DSCAML1: variants seen among roughly 807,000 people sequenced by gnomAD.
DSCAML1 encodes cell adhesion molecule DSCAML1.
Under a neutral mutation model 200.5 loss-of-function variants are expected in DSCAML1, and 38 were observed. The ratio of observed to expected loss-of-function variants is 0.19; its 90% CI spans 0.15 to 0.25. DSCAML1 has a LOEUF of 0.25. DSCAML1 is among the 10% of genes least tolerant of loss of function. DSCAML1 has a pLI of 1.00. For synonymous variants in DSCAML1, 1,215 were observed against 1,165.0 expected, an observed-to-expected ratio of 1.04 and a Z score of -0.87; for missense variants, 2,223 against 2,858.8, an observed-to-expected ratio of 0.78 and a Z score of 5.07.
intron 1 of DSCAML1, among the ~76,000 whole-genome samples, chr11:117,816,724 G>A (rs890392200): frequency 4.6e-5 from 7 of 151,784 alleles, no homozygotes; most frequent in African/African-American, 1.5e-4. Flanking sequence ...TAGACGCAGC[G>A]CCAGTGGAGA....
intron 3 of DSCAML1, among the ~76,000 whole-genome samples, chr11:117,578,147 A>T (rs1657932868): frequency 6.9e-6 from 1 of 144,454 alleles, no homozygotes; most frequent in South Asian, 2.4e-4. Flanking sequence ...AGGCAGGAGA[A>T]TTGCCTGAAG....
chr11:117,582,103 AG>A (rs1340359792), intron 3 of DSCAML1, among the ~76,000 whole-genome samples: 1 of 152,230 alleles, frequency 6.6e-6, no homozygotes, highest in East Asian at 1.9e-4. Context: ...GGGGACAAGA[AG>A]GGTATCTGGG....
chr11:117,450,928 A>C (rs2048270865), intron 19 of DSCAML1, among the ~76,000 whole-genome samples: 1 of 152,162 alleles, frequency 6.6e-6, no homozygotes, highest in African/African-American at 2.4e-5. Flanking sequence ...TGCCAGCTTC[A>C]GAACTGTTTG....
rs571323777 is a variant in DSCAML1, at chr11:117,674,135, G to A, written c.511+102656C>T. On this transcript the variant is annotated intron_variant, in intron 3 of 32. Transcript: ENST00000651296. ...AAAGCAACTTACGTTGCCGGTACTA[G>A]TTTAGATCCTCTCGGCTGTATTTAG... 1.5e-3 allele frequency among the ~76,000 whole-genome samples: 227 copies of A among 152,354 alleles called. 1 individual carries two copies. The highest frequency in any genetic ancestry group is 5.2e-3 in the African/African-American group (215 of 41,584).
chr11:117,664,071 G>T (rs923803788), intron 3 of DSCAML1, among the ~76,000 whole-genome samples: 1 of 152,192 alleles, frequency 6.6e-6, no homozygotes, highest in Non-Finnish European at 1.5e-5. Flanking sequence ...AGGAGGGGCC[G>T]GGCCTGGGAA....
chr11:117,745,904 G>C (rs2137853383), intron 3 of DSCAML1, among the ~76,000 whole-genome samples: 1 of 152,256 alleles, frequency 6.6e-6, no homozygotes, highest in East Asian at 1.9e-4. Context: ...AATTAACTTA[G>C]GTAAGGTGCT....
At chr11:117,429,490 G>A (rs769856696) in intron 32 of DSCAML1, among the ~76,000 whole-genome samples, 31 of 120,958 alleles carry the variant, frequency 2.6e-4, no homozygotes, top group Non-Finnish European at 4.9e-4. Flanking sequence ...TGCAACCTCC[G>A]CTTCCCGAGT....
chr11:117,764,959 C>G (rs1447356131), intron 3 of DSCAML1, among the ~76,000 whole-genome samples: 1 of 152,218 alleles, frequency 6.6e-6, no homozygotes, highest in Non-Finnish European at 1.5e-5. Context: ...GCACGGCCGC[C>G]TTCATGGCCA....
At chr11:117,656,146 G>A (rs764129590) in intron 3 of DSCAML1, among the ~76,000 whole-genome samples, 1 of 152,234 alleles carries the variant, frequency 6.6e-6, no homozygotes. Flanking sequence ...GCTGAGGCAG[G>A]AGAATTACTT....
At chr11:117,632,473 AGT>A (rs2052195315) in intron 3 of DSCAML1, among the ~76,000 whole-genome samples, 1 of 152,084 alleles carries the variant, frequency 6.6e-6, no homozygotes, top group Admixed American at 6.5e-5. Context: ...TCATATGATG[AGT>A]TTCCTGCCCC....
chr11:117,809,458 G>A (rs1018287493), intron 1 of DSCAML1, among the ~76,000 whole-genome samples: 1 of 152,220 alleles, frequency 6.6e-6, no homozygotes, highest in Non-Finnish European at 1.5e-5. Context: ...CCAGGCCTCC[G>A]CACTGGGAAC....
At chr11:117,529,477 A>G (rs947137473) in intron 4 of DSCAML1, among the ~76,000 whole-genome samples, 3 of 152,156 alleles carry the variant, frequency 2.0e-5, no homozygotes, top group South Asian at 2.1e-4. Flanking sequence ...GGTTTGGAAC[A>G]TTATTTTATG....
At chr11:117,466,035 C>T (rs1342047282) in intron 16 of DSCAML1, among the ~76,000 whole-genome samples, 2 of 152,196 alleles carry the variant, frequency 1.3e-5, no homozygotes, top group Non-Finnish European at 2.9e-5. Context: ...AAGAGTTTGG[C>T]AGTTCCTTAA....
chr11:117,450,716 G>A, intron 19 of DSCAML1, 28 bp from the exon 20 acceptor site: 1 of 1,608,046 alleles, frequency 6.2e-7, no homozygotes. Context: ...CTGGTCAGTT[G>A]AGAGAAAGCA....
chr11:117,767,917 C>T (rs754901754), intron 3 of DSCAML1, among the ~76,000 whole-genome samples: 3 of 152,106 alleles, frequency 2.0e-5, no homozygotes, highest in African/African-American at 4.8e-5. Flanking sequence ...GTGCCTGCCG[C>T]GGGACCCTAC....
At position 117,797,154 on chromosome 11, in the gene DSCAML1, C is replaced by T. The variant is rs541324256; in HGVS notation, c.-75G>A. 1.9e-6 allele frequency: 3 copies of T among 1,588,268 alleles called. No homozygotes were observed. Among genetic ancestry groups the T allele is most frequent in the East Asian group, 2.4e-5 (1 of 42,220 alleles). On this transcript the variant is annotated 5_prime_UTR_variant, in exon 1 of 33. Transcript: ENST00000651296. ...GCGGCAGCGCCTCTCCCCCGCTCAG[C>T]GCGCTCCCAGCCGCCCGCACTCGGC...
intron 3 of DSCAML1, among the ~76,000 whole-genome samples, chr11:117,587,404 T>G (rs2051169129): frequency 6.6e-6 from 1 of 151,932 alleles, no homozygotes; most frequent in Non-Finnish European, 1.5e-5. Flanking sequence ...CCTCCTACCC[T>G]CCCCATCACG....
chr11:117,474,535 C>G (rs979191970), intron 14 of DSCAML1, among the ~76,000 whole-genome samples: 1 of 152,132 alleles, frequency 6.6e-6, no homozygotes, highest in Non-Finnish European at 1.5e-5. Flanking sequence ...GACTCCAGAC[C>G]TTATAGCCAA....
rs146128143 is a variant in DSCAML1 at position 117,771,647 on chromosome 11, C to T, written c.511+5144G>A. 1.6e-3 allele frequency among the ~76,000 whole-genome samples: 247 copies of T among 152,306 alleles called. 1 individual carries two copies. Among genetic ancestry groups the T allele is most frequent in the African/African-American group, 5.7e-3 (235 of 41,556 alleles). ...AGAGAGGCGGCGGGAAGTAGAGGAA[C>T]CGGAAGACCGGCTCACATCCGGGCC... is the stretch of plus-strand genomic sequence containing the variant. On this transcript the variant is annotated intron_variant, in intron 3 of 32. Transcript: ENST00000651296.
Sources: allele counts gnomAD v4.1 joint callset (sites outside exome capture counted in the v4.1 genomes callset), GRCh38; gene constraint gnomAD v4.1.1; transcripts MANE v1.5; gene names NCBI Gene and HGNC (gene_info 2026-07-23, HGNC 2026-07-21).